RUNX3: variants seen among roughly 807,000 people sequenced by gnomAD.
RUNX3 encodes the protein runt-related transcription factor 3.
Under a neutral mutation model 27.7 loss-of-function variants are expected in RUNX3, and 10 were observed. The ratio of observed to expected loss-of-function variants is 0.36; its 90% CI spans 0.22 to 0.61. The LOEUF is 0.61. Ranked by LOEUF, RUNX3 falls within the 20% of genes least tolerant of loss-of-function variation. The pLI is 0.72. For synonymous variants in RUNX3, 270 were observed against 269.2 expected (o/e 1.00, Z -0.03); for missense variants, 469 against 629.5 (o/e 0.75, Z 2.73).
intron 2 of RUNX3, among the ~76,000 whole-genome samples, chr1:24,956,166 C>T (rs1445841051): frequency 2.0e-5 from 3 of 152,224 alleles, no homozygotes; most frequent in Non-Finnish European, 4.4e-5. Context: ...GCAGGGTGGC[C>T]AGCAGGGCCT....
chr1:24,915,298 C>T (rs1464691294), intron 3 of RUNX3, among the ~76,000 whole-genome samples: 1 of 152,088 alleles, frequency 6.6e-6, no homozygotes, highest in African/African-American at 2.4e-5. Flanking sequence ...GTGGCGTGTG[C>T]CTGTAATCCC....
intron 3 of RUNX3, among the ~76,000 whole-genome samples, chr1:24,912,613 C>T (rs1364382604): frequency 1.3e-5 from 2 of 151,986 alleles, no homozygotes; most frequent in Non-Finnish European, 2.9e-5. Flanking sequence ...GGTGCTTCCT[C>T]CACGGCAGCG....
intron 2 of RUNX3, among the ~76,000 whole-genome samples, chr1:24,922,094 G>A (rs1481363466): frequency 6.6e-6 from 1 of 151,878 alleles, no homozygotes; most frequent in Non-Finnish European, 1.5e-5. Context: ...GGGACAACAG[G>A]TGAGCGCCAC....
intron 2 of RUNX3, among the ~76,000 whole-genome samples, chr1:24,945,009 T>C (rs767786282): frequency 3.3e-5 from 5 of 152,212 alleles, no homozygotes; most frequent in Non-Finnish European, 7.3e-5. Context: ...AGCACATTTA[T>C]TAGTGCCTGA....
In RUNX3 at chr1:24,930,198, C is replaced by T. The variant is rs1641191407; in HGVS notation, c.-330G>A. The T allele has an allele frequency of 6.1e-6, 6 of 980,810 alleles. No individual in the cohort carries two copies. In the South Asian group the frequency reaches 2.4e-4, roughly 38 times the overall value. 60.8% of individuals were successfully genotyped at this position (980,810 alleles called of 1,614,324 possible). On this transcript the variant is annotated 5_prime_UTR_variant, in exon 1 of 5. Coordinates refer to ENST00000308873, the MANE Select transcript of RUNX3 (RefSeq NM_004350.3). This position sits in a 1 kb window ranked among gnomAD's most constrained non-coding sequence, Gnocchi z 4.1. The stretch of plus-strand genomic sequence containing the variant: ...CGCGGGGCTGTGCCGCTGCCGCCGC[C>T]TCCCGCCCCGAAGCTCGCCCGCGGC...
Position 24,901,918 on chromosome 1 carries a change from G to C in RUNX3, c.*204C>G. On this transcript the variant is annotated 3_prime_UTR_variant, in exon 5 of 5. Coordinates refer to ENST00000308873, the MANE Select transcript of RUNX3 (RefSeq NM_004350.3). The stretch of plus-strand genomic sequence containing the variant: ...GGCCGGGGGCAGTATCCCGGGCCGG[G>C]GTGGGGGTGGTAACCTATGCCTCTG... 1.9e-6 allele frequency: 1 copy of C among 537,682 alleles called. No individual in the cohort carries two copies. Among genetic ancestry groups the C allele is most frequent in the Non-Finnish European group, 3.3e-6 (1 of 306,386 alleles). 33.3% of individuals were successfully genotyped at this position (537,682 alleles called of 1,614,324 possible). A position where few individuals can be genotyped will look rare whatever the true frequency, so the allele number is the denominator to read the frequency against.
intron 2 of RUNX3, among the ~76,000 whole-genome samples, chr1:24,953,402 G>GAAAA (rs553316885): frequency 8.5e-5 from 6 of 70,430 alleles, no homozygotes; most frequent in African/African-American, 1.6e-4. Context: ...AAAGAAAAAT[G>GAAAA]AAAAAAAAAA....
chr1:24,940,071 T>C (rs1316724561), intron 2 of RUNX3, among the ~76,000 whole-genome samples: 2 of 152,172 alleles, frequency 1.3e-5, no homozygotes, highest in African/African-American at 4.8e-5. Context: ...GAGAGCAGGC[T>C]TGGGGGGTAA....
chr1:24,923,723 C>T lies in RUNX3; in HGVS notation c.439+3851G>A, dbSNP rs563667506. Among the ~76,000 whole-genome samples, 37 of 152,146 alleles carry T rather than the reference C, an allele frequency of 2.4e-4. No homozygotes were observed. Among genetic ancestry groups the T allele is most frequent in the Non-Finnish European group, 4.3e-4 (29 of 68,018 alleles). On this transcript the variant is annotated intron_variant, in intron 2 of 4. Coordinates refer to ENST00000308873, the MANE Select transcript of RUNX3 (RefSeq NM_004350.3). The surrounding 1 kb of genome is among the most constrained non-coding windows in gnomAD (Gnocchi z 5.9). ...GGGACGTGTCTCAGTCTCAGGGGAC[C>T]TCGGGGTTTTCTCAGCTTCAGCCAA...
chr1:24,937,586 C>G (rs1463451008), intron 2 of RUNX3, among the ~76,000 whole-genome samples: 1 of 152,248 alleles, frequency 6.6e-6, no homozygotes, highest in Non-Finnish European at 1.5e-5. Flanking sequence ...TAGACTTGAA[C>G]TCAGGTCTCC....
chr1:24,956,133 T>C (rs1641916767), intron 2 of RUNX3, among the ~76,000 whole-genome samples: 1 of 152,004 alleles, frequency 6.6e-6, no homozygotes, highest in Non-Finnish European at 1.5e-5. Context: ...ACAGACACAG[T>C]GATTTGGGAA....
intron 2 of RUNX3, among the ~76,000 whole-genome samples, chr1:24,958,435 G>A (rs990197816): frequency 6.6e-6 from 1 of 152,126 alleles, no homozygotes; most frequent in Non-Finnish European, 1.5e-5. Context: ...CCTCAGTTTC[G>A]TCATGTATGA....
Position 24,901,036 on chromosome 1 carries a change from G to GTTTTTTTTTTTTTTTTTTTTTTTTGTT in RUNX3, c.*1085_*1086insAACAAAAAAAAAAAAAAAAAAAAAAAA, listed in dbSNP as rs3085849. 3 of 116,908 alleles carry GTTTTTTTTTTTTTTTTTTTTTTTTGTT rather than the reference G, an allele frequency of 2.6e-5. No individual in the cohort carries two copies. Among genetic ancestry groups the GTTTTTTTTTTTTTTTTTTTTTTTTGTT allele is most frequent in the African/African-American group, 1.0e-4 (3 of 29,036 alleles). 7.2% of individuals were successfully genotyped at this position (116,908 alleles called of 1,614,324 possible). The stretch of plus-strand genomic sequence containing the variant: ...TGTTTTGTTTTTTTTTTGTTTTTTT[G>GTTTTTTTTTTTTTTTTTTTTTTTTGTT]TTTTTTTTTTTTTTTTGCTCAGGAC... On this transcript the variant is annotated 3_prime_UTR_variant, in exon 5 of 5. Transcript: ENST00000308873.
rs1640900854 is a variant in RUNX3 at position 24,916,904 on chromosome 1, C to T, written c.544+2336G>A. Among the ~76,000 whole-genome samples the T allele has an allele frequency of 6.6e-6, 1 of 152,184 alleles. No individual in the cohort carries two copies. Among genetic ancestry groups the T allele is most frequent in the South Asian group, 2.1e-4 (1 of 4,832 alleles). ...CTGTCCCTCCCTCTTGTTGCCTCGT[C>T]CTGAGCCACGCATTTACCTTCCAGC... On this transcript the variant is annotated intron_variant, in intron 3 of 4. Coordinates refer to ENST00000308873, the MANE Select transcript of RUNX3 (RefSeq NM_004350.3). The surrounding 1 kb of genome is among the most constrained non-coding windows in gnomAD (Gnocchi z 4.8).
chr1:24,929,143 G>C (rs865893648), intron 1 of RUNX3: 2 of 464,172 alleles, frequency 4.3e-6, no homozygotes, highest in Non-Finnish European at 8.6e-6. Context: ...GGTGTGAGCA[G>C]GAAGCTTTTG....
At chr1:24,956,394 G>A (rs1641926081) in intron 2 of RUNX3, among the ~76,000 whole-genome samples, 1 of 152,250 alleles carries the variant, frequency 6.6e-6, no homozygotes, top group Non-Finnish European at 1.5e-5. Context: ...GGACCACACA[G>A]TATTAACTAC....
At position 24,962,268 on chromosome 1, in the gene RUNX3, T is replaced by C. The variant is rs898135891; in HGVS notation, c.58+2246A>G. The C allele has an allele frequency of 6.6e-6, 1 of 152,264 alleles. No homozygotes were observed. The highest frequency in any genetic ancestry group is 2.4e-5 in the African/African-American group (1 of 41,468). 9.4% of individuals were successfully genotyped at this position (152,264 alleles called of 1,614,324 possible). A position where few individuals can be genotyped will look rare whatever the true frequency, so the allele number is the denominator to read the frequency against. On this transcript the variant is annotated intron_variant, in intron 2 of 6. Coordinates refer to the RUNX3 transcript ENST00000338888. This position sits in a 1 kb window ranked among gnomAD's most constrained non-coding sequence, Gnocchi z 4.5. ...TGAGTCAATATGTCACCAGCTTGCTTTCTGAGTTTGACAATGGTATTTCCA... is the reference window on the plus strand; with the variant it reads ...TGAGTCAATATGTCACCAGCTTGCTCTCTGAGTTTGACAATGGTATTTCCA...
intron 2 of RUNX3, among the ~76,000 whole-genome samples, chr1:24,936,239 A>T (rs1259953815): frequency 6.6e-6 from 1 of 152,142 alleles, no homozygotes; most frequent in Admixed American, 6.5e-5. Context: ...GCTTCACAGT[A>T]TTCTTAGGGA....
At chr1:24,937,513 T>G (rs1641375401) in intron 2 of RUNX3, among the ~76,000 whole-genome samples, 1 of 152,218 alleles carries the variant, frequency 6.6e-6, no homozygotes. Context: ...TCAGAATGAC[T>G]TTGTGAATTG....
Sources: gnomAD v4.1 joint callset for allele counts (sites outside exome capture counted in the v4.1 genomes callset) on GRCh38, gnomAD v4.1.1 for gene constraint, Gnocchi (gnomAD v3.1) non-coding constraint, MANE v1.5 for transcripts, NCBI Gene and HGNC (gene_info 2026-07-23, HGNC 2026-07-21) for gene names.